TNFRSF11A: variants seen among roughly 807,000 people sequenced by gnomAD.
TNFRSF11A encodes tumor necrosis factor receptor superfamily member 11A.
Under a neutral mutation model 55.7 loss-of-function variants are expected in TNFRSF11A, and 32 were observed. The ratio of observed to expected loss-of-function variants is 0.57; its 90% CI spans 0.43 to 0.77. TNFRSF11A has a LOEUF of 0.77. TNFRSF11A is among the 30% of genes least tolerant of loss of function. The probability of loss-of-function intolerance (pLI) is 0.00; values close to 1 mark genes in which losing one functional copy is unlikely to be tolerated. For missense variants in TNFRSF11A, 753 were observed against 809.8 expected (o/e 0.93, Z 0.85); for synonymous variants, 311 against 331.0 (o/e 0.94, Z 0.65).
chr18:62,331,829 T>C (rs2046158821), intron 1 of TNFRSF11A, among the ~76,000 whole-genome samples: 1 of 152,176 alleles, frequency 6.6e-6, no homozygotes, highest in African/African-American at 2.4e-5. Context: ...GCGTTTCCCT[T>C]CCTCTGTGTC....
chr18:62,355,465 T>C (rs769752711), intron 4 of TNFRSF11A, among the ~76,000 whole-genome samples: 13 of 152,102 alleles, frequency 8.5e-5, no homozygotes, highest in Non-Finnish European at 1.6e-4. Flanking sequence ...TTGGTAGAGA[T>C]GGGGTTTCTC....
chr18:62,383,079 A>G lies in TNFRSF11A; in HGVS notation c.1568-1672A>G, dbSNP rs906874585. Among the ~76,000 whole-genome samples the G allele has an allele frequency of 6.6e-6, 1 of 152,152 alleles. No homozygotes were observed. Among genetic ancestry groups the G allele is most frequent in the Non-Finnish European group, 1.5e-5 (1 of 68,018 alleles). ...AGAGGGGGTGGAGAAGGTGCTGGGT[A>G]GGTGGTAAACAGGAATGCCAACGGG... is the stretch of plus-strand genomic sequence containing the variant. On this transcript the variant is annotated intron_variant, in intron 9 of 9. Coordinates refer to ENST00000586569, the MANE Select transcript of TNFRSF11A (RefSeq NM_003839.4). The surrounding 1 kb of genome is among the most constrained non-coding windows in gnomAD (Gnocchi z 4.2).
intron 9 of TNFRSF11A, among the ~76,000 whole-genome samples, chr18:62,380,020 C>T (rs978333036): frequency 5.3e-5 from 8 of 152,266 alleles, no homozygotes; most frequent in African/African-American, 1.7e-4. Context: ...AAGAGTTGCC[C>T]GCGCCTTCAG....
chr18:62,372,701 CTTCT>C (rs1211185876), intron 9 of TNFRSF11A, among the ~76,000 whole-genome samples: 1 of 152,054 alleles, frequency 6.6e-6, no homozygotes, highest in Non-Finnish European at 1.5e-5. Context: ...CTATTGTTGC[CTTCT>C]TTATGTCCAT....
intron 1 of TNFRSF11A, chr18:62,336,371 G>A (rs1008309596): frequency 3.9e-5 from 6 of 152,240 alleles, no homozygotes; most frequent in African/African-American, 1.4e-4. Flanking sequence ...GGGCAGTGAA[G>A]GAAGGGAGGG....
intron 5 of TNFRSF11A, 80 bp downstream of exon 5, chr18:62,358,421 C>A: frequency 7.3e-7 from 1 of 1,363,870 alleles, no homozygotes; most frequent in Non-Finnish European, 1.0e-6. Flanking sequence ...GGGTTGAAAA[C>A]GGACGGATTC....
At chr18:62,360,856 G>C (rs768989801) in intron 6 of TNFRSF11A, among the ~76,000 whole-genome samples, 4 of 152,182 alleles carry the variant, frequency 2.6e-5, no homozygotes, top group Non-Finnish European at 5.9e-5. Flanking sequence ...TATCGGAAGA[G>C]ATTGCTTCAG....
intron 3 of TNFRSF11A, among the ~76,000 whole-genome samples, chr18:62,351,652 G>T (rs1396219799): frequency 6.6e-6 from 1 of 152,190 alleles, no homozygotes; most frequent in Non-Finnish European, 1.5e-5. Flanking sequence ...CTGTAGTGCA[G>T]TACATATAGA....
At chr18:62,340,326 C>A (rs1286824174) in intron 1 of TNFRSF11A, among the ~76,000 whole-genome samples, 2 of 151,936 alleles carry the variant, frequency 1.3e-5, no homozygotes, top group Non-Finnish European at 1.5e-5. Flanking sequence ...TCAAGCGATC[C>A]TCCTGCCTCA....
intron 2 of TNFRSF11A, among the ~76,000 whole-genome samples, chr18:62,348,998 G>A (rs1284439644): frequency 6.6e-6 from 1 of 152,134 alleles, no homozygotes; most frequent in Non-Finnish European, 1.5e-5. Context: ...AGTAAGTGTA[G>A]AGGAAGTTAA....
intron 1 of TNFRSF11A, among the ~76,000 whole-genome samples, chr18:62,326,234 C>T (rs2046073196): frequency 6.6e-6 from 1 of 152,192 alleles, no homozygotes; most frequent in South Asian, 2.1e-4. Flanking sequence ...TCAGATTTCC[C>T]CTCTGTTAAC....
chr18:62,353,657 T>C (rs1409908177), intron 3 of TNFRSF11A, among the ~76,000 whole-genome samples: 1 of 152,208 alleles, frequency 6.6e-6, no homozygotes, highest in Non-Finnish European at 1.5e-5. Flanking sequence ...TGAGGACTAT[T>C]GATTGATCAA....
Position 62,382,107 on chromosome 18 carries a change from C to CTTTTT in TNFRSF11A, c.1568-2623_1568-2619dup, listed in dbSNP as rs574488222. Among the ~76,000 whole-genome samples the CTTTTT allele has an allele frequency of 7.4e-4, 66 of 89,468 alleles. 1 individual carries two copies. Among genetic ancestry groups the CTTTTT allele is most frequent in the South Asian group, 2.9e-3 (5 of 1,704 alleles). 58.7% of individuals were successfully genotyped at this position (89,468 alleles called of 152,430 possible). A position where few individuals can be genotyped will look rare whatever the true frequency, so the allele number is the denominator to read the frequency against. On this transcript the variant is annotated intron_variant, in intron 9 of 9. Coordinates refer to ENST00000586569, the MANE Select transcript of TNFRSF11A (RefSeq NM_003839.4). ...CTGGCTGATTATAGTTTCCTGAGTCCTTTTTTTTTTTTTTTTTTTTTTTTT... is the reference window on the plus strand; with the variant it reads ...CTGGCTGATTATAGTTTCCTGAGTCCTTTTTTTTTTTTTTTTTTTTTTTTTTTTTT...
In TNFRSF11A at chr18:62,348,196, C is replaced by G. The variant is rs1444245437; in HGVS notation, c.104C>G (p.Thr35Ser). The G allele has an allele frequency of 6.2e-7, 1 of 1,614,026 alleles. No individual in the cohort carries two copies. The highest frequency in any genetic ancestry group is 1.7e-5 in the Admixed American group (1 of 60,006). ...GCTTTGCAGATCGCTCCTCCATGTA[C>G]CAGTGAGAAGCATTATGAGCATCTG... ...QVALQIAPPC[T>S]SEKHYEHLGR... The change falls in exon 2 of 10, where the codon ACC (threonine) becomes AGC (serine). Residue 35 changes from threonine to serine, a missense_variant. This residue lies in a region of TNFRSF11A where 156 missense variants were observed against 155.1 expected (regional missense o/e 1.01). Coordinates refer to ENST00000586569, the MANE Select transcript of TNFRSF11A (RefSeq NM_003839.4).
intron 9 of TNFRSF11A, among the ~76,000 whole-genome samples, chr18:62,380,964 A>G (rs1053908645): frequency 6.6e-6 from 1 of 151,980 alleles, no homozygotes; most frequent in Non-Finnish European, 1.5e-5. Flanking sequence ...CACCACACCC[A>G]ACTAACTTTT....
intron 1 of TNFRSF11A, among the ~76,000 whole-genome samples, chr18:62,337,695 A>G (rs2046254472): frequency 6.6e-6 from 1 of 152,132 alleles, no homozygotes; most frequent in African/African-American, 2.4e-5. Context: ...ACCACCTTAC[A>G]TAGATTGTTT....
At chr18:62,365,784 A>C (rs2145344463) in intron 7 of TNFRSF11A, among the ~76,000 whole-genome samples, 1 of 152,206 alleles carries the variant, frequency 6.6e-6, no homozygotes, top group East Asian at 1.9e-4. Flanking sequence ...AGATGGCTTC[A>C]TAGCCTTTAT....
At chr18:62,378,713 TTAA>T (rs1479520413) in intron 9 of TNFRSF11A, among the ~76,000 whole-genome samples, 1 of 152,260 alleles carries the variant, frequency 6.6e-6, no homozygotes, top group Admixed American at 6.5e-5. Flanking sequence ...ATGTGTATTA[TTAA>T]TATTTGCTTG....
At position 62,390,726 on chromosome 18, in the gene TNFRSF11A, AT is replaced by A. The variant is rs1381959769; in HGVS notation, c.*5697del. 2 of 152,344 alleles carry A rather than the reference AT, an allele frequency of 1.3e-5. No individual in the cohort carries two copies. Among genetic ancestry groups the A allele is most frequent in the Non-Finnish European group, 1.5e-5 (1 of 68,036 alleles). 9.4% of individuals were successfully genotyped at this position (152,344 alleles called of 1,614,324 possible). A position where few individuals can be genotyped will look rare whatever the true frequency, so the allele number is the denominator to read the frequency against. On this transcript the variant is annotated 3_prime_UTR_variant, in exon 10 of 10. Coordinates refer to ENST00000586569, the MANE Select transcript of TNFRSF11A (RefSeq NM_003839.4). ...TACCCTAAAATGAAGAAGCAAATCCATTTTTATTGGCTTTTATAGCCTCTCT... is the reference window on the plus strand; with the variant it reads ...TACCCTAAAATGAAGAAGCAAATCCATTTTATTGGCTTTTATAGCCTCTCT...
Sources: gnomAD v4.1 joint callset for allele counts (sites outside exome capture counted in the v4.1 genomes callset) on GRCh38, gnomAD v4.1.1 for gene constraint, gnomAD v4.1.1 regional missense constraint, Gnocchi (gnomAD v3.1) non-coding constraint, MANE v1.5 for transcripts, NCBI Gene and HGNC (gene_info 2026-07-23, HGNC 2026-07-21) for gene names.